Variants in ATP2C2 observed in about 807,000 individuals in gnomAD.
ATP2C2 encodes calcium-transporting ATPase type 2C member 2.
In ATP2C2, 171 loss-of-function variants were observed where a neutral mutation model predicts 110.8. The observed-to-expected ratio is 1.54, with a 90% confidence interval of 1.36 to 1.75. The LOEUF is 1.75. Among genes scored for constraint, ATP2C2 ranks in the 40% most tolerant of loss-of-function variants. The pLI, the probability that ATP2C2 is intolerant of heterozygous loss-of-function variation, is 0.00. For missense variants in ATP2C2, 1,963 were observed against 1,235.0 expected (o/e 1.59, Z -8.84); for synonymous variants, 804 against 508.4 (o/e 1.58, Z -7.82).
rs1350640417 is a variant in ATP2C2 at position 84,462,057 on chromosome 16, C to G, written c.2650C>G (p.Leu884Val). 9 of 1,614,074 alleles carry G rather than the reference C, an allele frequency of 5.6e-6. No homozygotes were observed. The highest frequency in any genetic ancestry group is 6.8e-6 in the Non-Finnish European group (8 of 1,179,984). Reference sequence around the variant, plus strand: ...CCTCTACTCCGTCCTGGGGTCCATCCTGGGGCAGCTGGCGGTCATTTACAT... The same window carrying G: ...CCTCTACTCCGTCCTGGGGTCCATCGTGGGGCAGCTGGCGGTCATTTACAT... ...MFLYSVLGSI[L>V]GQLAVIYIPP... Residue 884 changes from leucine to valine, a missense_variant, in exon 26 of 27, where the codon CTG becomes GTG. By Grantham distance (32) the Leu-to-Val change is conservative (BLOSUM62 1). Transcript: ENST00000262429.
At chr16:84,375,540 CAAA>C (rs34953788) in intron 1 of ATP2C2, among the ~76,000 whole-genome samples, 153 of 130,868 alleles carry the variant, frequency 1.2e-3, no homozygotes, top group African/African-American at 2.4e-3. Flanking sequence ...GACTCTGTCT[CAAA>C]AAAAAAAAAA....
At chr16:84,420,140 C>G (rs1907198543) in intron 7 of ATP2C2, among the ~76,000 whole-genome samples, 1 of 152,178 alleles carries the variant, frequency 6.6e-6, no homozygotes, top group Non-Finnish European at 1.5e-5. Flanking sequence ...CAGGCCTTTC[C>G]CCAGCCACCT....
intron 17 of ATP2C2, among the ~76,000 whole-genome samples, chr16:84,451,056 T>C (rs1295969917): frequency 2.6e-5 from 4 of 152,090 alleles, no homozygotes. Context: ...GACCTGAGAC[T>C]AGGTAATTTA....
intron 11 of ATP2C2, among the ~76,000 whole-genome samples, chr16:84,437,859 T>A (rs1908887153): frequency 5.3e-5 from 8 of 152,232 alleles, no homozygotes; most frequent in Admixed American, 5.2e-4. Flanking sequence ...CTGTGCCCTT[T>A]AGCTATCACT....
chr16:84,430,239 A>G (rs1049349098), intron 11 of ATP2C2, among the ~76,000 whole-genome samples: 2 of 152,188 alleles, frequency 1.3e-5, no homozygotes, highest in African/African-American at 4.8e-5. Context: ...TGGATGGACA[A>G]CAAGCTCGTT....
chr16:84,399,722 C>T (rs180898944), intron 2 of ATP2C2, among the ~76,000 whole-genome samples: 2 of 152,258 alleles, frequency 1.3e-5, no homozygotes, highest in East Asian at 3.9e-4. Flanking sequence ...TCAGGGCAAA[C>T]GGGGTCTCCA....
intron 23 of ATP2C2, chr16:84,460,036 G>A (rs551992872): frequency 3.4e-5 from 7 of 207,928 alleles, no homozygotes; most frequent in East Asian, 2.4e-4. Flanking sequence ...CAGTGCTTCC[G>A]CTGGAGCTCA....
chr16:84,438,906 T>G, intron 11 of ATP2C2: 1 of 370,580 alleles, frequency 2.7e-6, no homozygotes, highest in South Asian at 5.6e-5. Flanking sequence ...GCAAAACAGC[T>G]GACAGACTAA....
chr16:84,412,315 C>T (rs1041438366), intron 6 of ATP2C2, among the ~76,000 whole-genome samples: 8 of 106,880 alleles, frequency 7.5e-5, no homozygotes, highest in African/African-American at 2.0e-4. Flanking sequence ...CATGTCTGCA[C>T]GTGTGTGTGC....
chr16:84,432,903 G>T (rs139921872), intron 11 of ATP2C2, among the ~76,000 whole-genome samples: 1 of 152,088 alleles, frequency 6.6e-6, no homozygotes, highest in Non-Finnish European at 1.5e-5. Context: ...GCTGTGATTC[G>T]ACACTGTCCC....
chr16:84,378,957 CTTTT>C (rs200014846), intron 1 of ATP2C2, among the ~76,000 whole-genome samples: 9 of 150,062 alleles, frequency 6.0e-5, no homozygotes, highest in Non-Finnish European at 1.0e-4. Context: ...CCCTCACCTA[CTTTT>C]TTTTTTCAAC....
intron 15 of ATP2C2, among the ~76,000 whole-genome samples, chr16:84,443,433 A>T (rs1025467080): frequency 5.9e-5 from 9 of 152,112 alleles, no homozygotes; most frequent in African/African-American, 2.2e-4. Flanking sequence ...GTGTGATCAG[A>T]ACCCTCTCCA....
At chr16:84,419,682 G>A (rs1303736094) in intron 7 of ATP2C2, among the ~76,000 whole-genome samples, 6 of 151,890 alleles carry the variant, frequency 4.0e-5, no homozygotes, top group African/African-American at 1.5e-4. Flanking sequence ...CATCCACATC[G>A]CTCATTCATT....
At chr16:84,372,589 T>G (rs375497435) in intron 1 of ATP2C2, among the ~76,000 whole-genome samples, 5 of 151,778 alleles carry the variant, frequency 3.3e-5, no homozygotes, top group African/African-American at 1.2e-4. Flanking sequence ...CACACCCAGC[T>G]AATTTTTGTA....
At chr16:84,370,802 C>T (rs776890420) in intron 1 of ATP2C2, among the ~76,000 whole-genome samples, 36 of 151,922 alleles carry the variant, frequency 2.4e-4, no homozygotes, top group Non-Finnish European at 4.9e-4. Flanking sequence ...GGCCTCTAAG[C>T]CCTCCCCTCC....
intron 11 of ATP2C2, among the ~76,000 whole-genome samples, chr16:84,438,652 G>A (rs905034482): frequency 6.6e-6 from 1 of 152,136 alleles, no homozygotes; most frequent in Non-Finnish European, 1.5e-5. Flanking sequence ...CCACGCAGCA[G>A]GCAAGTGTGT....
At chr16:84,417,447 C>G (rs1029390871) in intron 7 of ATP2C2, among the ~76,000 whole-genome samples, 12 of 152,168 alleles carry the variant, frequency 7.9e-5, no homozygotes, top group Admixed American at 5.2e-4. Flanking sequence ...TTAGCACATG[C>G]CTTTTGTGGG....
At chr16:84,450,106 C>T (rs1227926643) in intron 17 of ATP2C2, among the ~76,000 whole-genome samples, 4 of 152,246 alleles carry the variant, frequency 2.6e-5, no homozygotes, top group Non-Finnish European at 5.9e-5. Context: ...GTAATGAGAA[C>T]GGGTCAGTGG....
chr16:84,459,090 C>T (rs767437423), intron 21 of ATP2C2, 30 bp from the exon 22 acceptor site: 5 of 1,612,220 alleles, frequency 3.1e-6, no homozygotes, highest in African/African-American at 1.3e-5. Flanking sequence ...CAGGCCCGCT[C>T]CGTGAGTAAA....
Sources: allele counts gnomAD v4.1 joint callset (sites outside exome capture counted in the v4.1 genomes callset), GRCh38; gene constraint gnomAD v4.1.1; transcripts MANE v1.5; gene names NCBI Gene and HGNC (gene_info 2026-07-23, HGNC 2026-07-21).